The following PPARG variants were observed in gnomAD, a reference collection of about 807,000 sequenced individuals.
The protein encoded by PPARG is peroxisome proliferator activated receptor gamma, also known as peroxisome proliferator-activated receptor gamma.
Under a neutral mutation model 39.2 loss-of-function variants are expected in PPARG, and 17 were observed. The ratio of observed to expected loss-of-function variants is 0.43; its 90% CI spans 0.30 to 0.65. The LOEUF (loss-of-function observed/expected upper bound fraction) is 0.65, where lower values mean the gene tolerates loss of function less well. Ranked by LOEUF, PPARG falls within the 30% of genes least tolerant of loss-of-function variation. The pLI is 0.13. For synonymous variants in PPARG, 223 were observed against 215.7 expected, an observed-to-expected ratio of 1.03 and a Z score of -0.30; for missense variants, 406 against 585.9, an observed-to-expected ratio of 0.69 and a Z score of 3.17.
intron 6 of PPARG, among the ~76,000 whole-genome samples, chr3:12,408,769 A>G (rs972405208): frequency 6.6e-6 from 1 of 151,402 alleles, no homozygotes; most frequent in African/African-American, 2.4e-5. Flanking sequence ...TTCATCCTCT[A>G]ATTCATACCT....
intron 6 of PPARG, among the ~76,000 whole-genome samples, chr3:12,411,545 G>T (rs949125063): frequency 6.6e-6 from 1 of 151,936 alleles, no homozygotes; most frequent in Non-Finnish European, 1.5e-5. Context: ...ATTTTAAAAG[G>T]AAAAAAAGAA....
chr3:12,363,131 G>T (rs1430151207), intron 2 of PPARG, among the ~76,000 whole-genome samples: 1 of 152,094 alleles, frequency 6.6e-6, no homozygotes, highest in African/African-American at 2.4e-5. Context: ...TGTTGTCTAG[G>T]CTGGTCTTGA....
chr3:12,405,797 T>G, intron 5 of PPARG, 85 bp from the exon 6 acceptor site: 2 of 1,400,058 alleles, frequency 1.4e-6, no homozygotes, highest in East Asian at 4.6e-5. Flanking sequence ...TTCTACTGTG[T>G]GGGAACGAGG....
intron 5 of PPARG, among the ~76,000 whole-genome samples, chr3:12,405,154 C>T (rs1028820454): frequency 2.0e-5 from 3 of 152,146 alleles, no homozygotes; most frequent in Non-Finnish European, 4.4e-5. Flanking sequence ...TTTATTTTTT[C>T]CCCAAACTAG....
chr3:12,407,151 TTTG>T (rs577888550), intron 6 of PPARG, among the ~76,000 whole-genome samples: 18 of 151,648 alleles, frequency 1.2e-4, no homozygotes, highest in African/African-American at 1.7e-4. Context: ...TGTACCTCAG[TTTG>T]TTGTTGTTGT....
chr3:12,335,279 G>A (rs1575010949), intron 2 of PPARG, among the ~76,000 whole-genome samples: 2 of 152,248 alleles, frequency 1.3e-5, no homozygotes, highest in East Asian at 3.9e-4. Flanking sequence ...CAATAGCTAA[G>A]GCTTATGGTT....
At position 12,381,393 on chromosome 3, in the gene PPARG, G is replaced by T; in HGVS notation, c.292G>T (p.Glu98Ter). ...EKTQLYNKPH[E>*]EPSNSLMAIE... ...GACTCAGCTCTACAATAAGCCTCAT[G>T]AAGAGCCTTCCAACTCCCTCATGGC... is the stretch of plus-strand genomic sequence containing the variant. Residue 98 changes from glutamate (E) to a stop codon, truncating the protein, a stop_gained, in exon 4 of 8, where the codon GAA becomes TAA. Transcript: ENST00000651735. LOFTEE classifies it high-confidence loss of function. The T allele has an allele frequency of 6.2e-7, 1 of 1,613,406 alleles. No individual in the cohort carries two copies. Among genetic ancestry groups the T allele is most frequent in the Non-Finnish European group, 8.5e-7 (1 of 1,179,720 alleles).
chr3:12,313,088 G>A (rs1018544936), intron 2 of PPARG, among the ~76,000 whole-genome samples: 8 of 152,142 alleles, frequency 5.3e-5, no homozygotes, highest in African/African-American at 1.4e-4. Flanking sequence ...ACTTTTTTGG[G>A]AAGGAAAAGG....
chr3:12,422,863 C>T (rs13075164), intron 7 of PPARG, among the ~76,000 whole-genome samples: 24,045 of 148,028 alleles, frequency 0.16, 2,137 homozygotes, highest in Admixed American at 0.25. Context: ...GCCTGGGCAA[C>T]AGAGTGAGAT....
At chr3:12,366,336 T>C (rs1240262405) in intron 2 of PPARG, among the ~76,000 whole-genome samples, 1 of 152,072 alleles carries the variant, frequency 6.6e-6, no homozygotes, top group African/African-American at 2.4e-5. Flanking sequence ...AGGAGATTTT[T>C]TTTTTTTCTG....
intron 2 of PPARG, among the ~76,000 whole-genome samples, chr3:12,359,621 A>C (rs1408652739): frequency 6.6e-6 from 1 of 152,044 alleles, no homozygotes. Flanking sequence ...ATACAAGCCA[A>C]ATATATCAGT....
intron 2 of PPARG, among the ~76,000 whole-genome samples, chr3:12,348,536 C>T (rs555216785): frequency 5.9e-5 from 9 of 152,298 alleles, no homozygotes; most frequent in Non-Finnish European, 1.3e-4. Context: ...TCATTATCCC[C>T]ATTCTTTCTC....
At chr3:12,405,804 G>A (rs1048153881) in intron 5 of PPARG, 78 bp from the exon 6 acceptor site, 18 of 1,457,430 alleles carry the variant, frequency 1.2e-5, no homozygotes, top group African/African-American at 5.6e-5. Flanking sequence ...GTGTGGGAAC[G>A]AGGGCTGGGA....
In PPARG at chr3:12,434,298, C is replaced by T; in HGVS notation, c.*153C>T. Reference sequence around the variant, plus strand: ...ATTTTATGCATATTGTTTATAAAGACACATTTACAATTTACTTTTAATATT... The same window carrying T: ...ATTTTATGCATATTGTTTATAAAGATACATTTACAATTTACTTTTAATATT... On this transcript the variant is annotated 3_prime_UTR_variant, in exon 8 of 8. Coordinates refer to ENST00000651735, the MANE Select transcript of PPARG (RefSeq NM_138711.6). The surrounding 1 kb of genome is among the most constrained non-coding windows in gnomAD (Gnocchi z 4.2). 1.0e-6 allele frequency: 1 copy of T among 984,148 alleles called. No individual in the cohort carries two copies. Among genetic ancestry groups the T allele is most frequent in the Non-Finnish European group, 1.5e-6 (1 of 660,840 alleles). The allele number at this position is 984,148 out of a possible 1,614,324, so 61.0% of individuals were successfully genotyped here.
chr3:12,408,580 T>C (rs2050760996), intron 6 of PPARG, among the ~76,000 whole-genome samples: 1 of 149,558 alleles, frequency 6.7e-6, no homozygotes, highest in East Asian at 1.9e-4. Flanking sequence ...TTTTTTTTTT[T>C]TTTTTTGAGG....
chr3:12,321,950 A>G (rs2047558452), intron 2 of PPARG, among the ~76,000 whole-genome samples: 1 of 152,212 alleles, frequency 6.6e-6, no homozygotes, highest in Non-Finnish European at 1.5e-5. Context: ...TCAGATATGC[A>G]TTTATTTCTA....
At chr3:12,309,319 C>T (rs148544323) in intron 1 of PPARG, among the ~76,000 whole-genome samples, 95 of 152,218 alleles carry the variant, frequency 6.2e-4, no homozygotes, top group African/African-American at 2.2e-3. Context: ...AGTAATCATA[C>T]GGTTTTTTGA....
chr3:12,309,958 C>A (rs370458614), intron 1 of PPARG, among the ~76,000 whole-genome samples: 34 of 152,218 alleles, frequency 2.2e-4, no homozygotes, highest in African/African-American at 8.2e-4. Flanking sequence ...TGTTTATAAT[C>A]GAATGAATAT....
intron 2 of PPARG, chr3:12,372,156 C>T (rs2049241554): frequency 1.4e-6 from 1 of 717,988 alleles, no homozygotes; most frequent in South Asian, 1.5e-5. Context: ...TCCAATAAAG[C>T]TTTCATTTGA....
Sources: allele counts gnomAD v4.1 joint callset (sites outside exome capture counted in the v4.1 genomes callset), GRCh38; gene constraint gnomAD v4.1.1; non-coding constraint Gnocchi (gnomAD v3.1); transcripts MANE v1.5; gene names NCBI Gene and HGNC (gene_info 2026-07-23, HGNC 2026-07-21).